The following NCOR2 variants were observed in gnomAD, a reference collection of about 807,000 sequenced individuals.
NCOR2 encodes the protein nuclear receptor corepressor 2.
In NCOR2, 81 loss-of-function variants were observed where a neutral mutation model predicts 262.9. That is an observed-to-expected ratio of 0.31 (90% CI 0.26 to 0.37). The LOEUF (loss-of-function observed/expected upper bound fraction) is 0.37. NCOR2 is among the 10% of genes least tolerant of loss of function. The pLI is 1.00. For missense variants in NCOR2, 3,385 were observed against 3,621.4 expected, an observed-to-expected ratio of 0.93 and a Z score of 1.68; for synonymous variants, 1,659 against 1,559.3, an observed-to-expected ratio of 1.06 and a Z score of -1.51.
chr12:124,457,057 C>A lies in NCOR2; in HGVS notation c.762+49G>T. 8.8e-7 allele frequency: 1 copy of A among 1,134,318 alleles called. No homozygotes were observed. The highest frequency in any genetic ancestry group is 1.2e-6 in the Non-Finnish European group (1 of 809,912). The allele number at this position is 1,134,318 out of a possible 1,614,324, so 70.3% of individuals were successfully genotyped here. A position where few individuals can be genotyped will look rare whatever the true frequency, so the allele number is the denominator to read the frequency against. ...CCTCCCGCCTCCCTGCCCACCTCTCCAGCCACCCCCGCCCTCCCCTGAGCC... is the reference window on the plus strand; with the variant it reads ...CCTCCCGCCTCCCTGCCCACCTCTCAAGCCACCCCCGCCCTCCCCTGAGCC... On this transcript the variant is annotated intron_variant, in intron 6 of 46. Coordinates refer to ENST00000405201, the Ensembl canonical transcript of NCOR2. This position sits in a 1 kb window ranked among gnomAD's most constrained non-coding sequence, Gnocchi z 4.0.
intron 44 of NCOR2, chr12:124,328,561 T>TGG (rs58543684): frequency 4.6e-5 from 7 of 152,092 alleles, no homozygotes; most frequent in African/African-American, 1.7e-4. Flanking sequence ...CACGTGGAGG[T>TGG]GGGGGCCTTT....
Position 124,428,090 on chromosome 12 carries a change from C to CGTGTGTGTGTGTGTGTGTGTGT in NCOR2, c.1150-1291_1150-1290insACACACACACACACACACACAC, listed in dbSNP as rs1412280487. Among the ~76,000 whole-genome samples, 68 of 138,144 alleles carry CGTGTGTGTGTGTGTGTGTGTGT rather than the reference C, an allele frequency of 4.9e-4. 1 individual carries two copies. Among genetic ancestry groups the CGTGTGTGTGTGTGTGTGTGTGT allele is most frequent in the African/African-American group, 1.3e-3 (44 of 33,684 alleles). 90.6% of individuals were successfully genotyped at this position (138,144 alleles called of 152,430 possible). On this transcript the variant is annotated intron_variant, in intron 10 of 46. Coordinates refer to ENST00000405201, the Ensembl canonical transcript of NCOR2. ...GTGTGTGTGTGTGTGTGTGTGTGTA[C>CGTGTGTGTGTGTGTGTGTGTGT]ATGCAACAATCAGCCCAGGTGCCAC...
chr12:124,495,682 C>G (rs142380843), upstream of NCOR2, among the ~76,000 whole-genome samples: 89 of 152,296 alleles, frequency 5.8e-4, no homozygotes, highest in African/African-American at 1.9e-3. The surrounding 1 kb of genome is among the most constrained non-coding windows in gnomAD (Gnocchi z 4.4). Flanking sequence ...TCCCAGCCCC[C>G]CTAAGCCCAT....
Position 124,378,426 on chromosome 12 carries a change from C to A in NCOR2, c.2020-42G>T. ...CAGCAGATCAGGACTGGGGCCTGGG[C>A]TGTCAGCTCGGGGACTCCCCATGCC... On this transcript the variant is annotated intron_variant, in intron 17 of 46. Coordinates refer to ENST00000405201, the Ensembl canonical transcript of NCOR2. This position sits in a 1 kb window ranked among gnomAD's most constrained non-coding sequence, Gnocchi z 4.2. 1 of 1,567,268 alleles carries A rather than the reference C, an allele frequency of 6.4e-7. No individual in the cohort carries two copies. Among genetic ancestry groups the A allele is most frequent in the Admixed American group, 1.8e-5 (1 of 55,826 alleles).
intron 5 of NCOR2, among the ~76,000 whole-genome samples, chr12:124,465,460 C>A (rs1294524978): frequency 6.6e-6 from 1 of 152,220 alleles, no homozygotes; most frequent in African/African-American, 2.4e-5. Flanking sequence ...GGAGACACTG[C>A]TCTGAGCATC....
chr12:124,362,535 A>G (rs1485821121), intron 21 of NCOR2, among the ~76,000 whole-genome samples: 1 of 145,470 alleles, frequency 6.9e-6, no homozygotes, highest in African/African-American at 2.6e-5. Flanking sequence ...CCTCCCCAGA[A>G]AGCCTGCCCC....
intron 1 of NCOR2, among the ~76,000 whole-genome samples, chr12:124,500,646 C>A (rs564120477): frequency 6.6e-6 from 1 of 152,340 alleles, no homozygotes; most frequent in South Asian, 2.1e-4. Context: ...CCTCTTCCCA[C>A]CTGGCCGGGC....
intron 4 of NCOR2, among the ~76,000 whole-genome samples, chr12:124,471,845 G>C (rs1364843280): frequency 6.6e-6 from 1 of 152,224 alleles, no homozygotes; most frequent in Non-Finnish European, 1.5e-5. Context: ...GGGATTACAG[G>C]CATCAGCCAC....
At chr12:124,426,531 C>T (rs2043562090) in intron 11 of NCOR2, 91 bp downstream of exon 13, 3 of 1,294,064 alleles carry the variant, frequency 2.3e-6, no homozygotes, top group Admixed American at 2.6e-5. Context: ...CCCCGGCATG[C>T]TCATTTGTGG....
In NCOR2 at chr12:124,418,657, T is replaced by G. The variant is rs562879576; in HGVS notation, c.1482+1300A>C. Reference sequence around the variant, plus strand: ...ACCTGGAGCTGCTCCGGGCCTGGGCTTGACACAAAGTGGGCTTTAGGCCTC... The same window carrying G: ...ACCTGGAGCTGCTCCGGGCCTGGGCGTGACACAAAGTGGGCTTTAGGCCTC... On this transcript the variant is annotated intron_variant, in intron 13 of 46. Coordinates refer to ENST00000405201, the Ensembl canonical transcript of NCOR2. Among the ~76,000 whole-genome samples, 5 of 152,254 alleles carry G rather than the reference T, an allele frequency of 3.3e-5. No individual in the cohort carries two copies. The East Asian group carries it at 9.7e-4, about 29-fold the overall frequency.
Position 124,340,690 on chromosome 12 carries a change from G to A in NCOR2, c.5250C>T (p.Thr1750=), listed in dbSNP as rs773167113. 18 of 1,530,946 alleles carry A rather than the reference G, an allele frequency of 1.2e-5. No individual in the cohort carries two copies. The East Asian group carries it at 4.1e-4, about 35-fold the overall frequency. 94.8% of individuals were successfully genotyped at this position (1,530,946 alleles called of 1,614,324 possible). Residue 1750 remains threonine (T), a synonymous_variant, in exon 35 of 47, where the codon ACC becomes ACT. Transcript: ENST00000405201. ...CAAGGCGGTCCATGGCGGTGGCTGG[G>A]GTGCCTGGTGTCGGGGGCACGAGCA...
chr12:124,478,723 A>G (rs557962005), intron 3 of NCOR2, among the ~76,000 whole-genome samples: 11 of 152,322 alleles, frequency 7.2e-5, no homozygotes, highest in Admixed American at 4.6e-4. Context: ...AGACAGACAC[A>G]GAGACGAAGA....
intron 9 of NCOR2, among the ~76,000 whole-genome samples, 194 bp from the exon 12 acceptor site, chr12:124,429,900 C>T (rs1217450512): frequency 6.6e-6 from 1 of 152,230 alleles, no homozygotes; most frequent in Non-Finnish European, 1.5e-5. Flanking sequence ...AGGCCAAACC[C>T]TGTGACATGG....
intron 1 of NCOR2, among the ~76,000 whole-genome samples, chr12:124,502,942 G>A (rs1481940876): frequency 2.0e-5 from 3 of 152,222 alleles, no homozygotes; most frequent in Admixed American, 6.5e-5. Flanking sequence ...CTGCAGGAAT[G>A]AGGCCAGACT....
chr12:124,404,612 T>G (rs373719922), intron 13 of NCOR2, among the ~76,000 whole-genome samples: 3 of 152,192 alleles, frequency 2.0e-5, no homozygotes, highest in Admixed American at 6.5e-5. Context: ...CAGGGGCCAG[T>G]TGGGAGAGGG....
At chr12:124,334,197 C>T (rs896102183) in intron 41 of NCOR2, 2 of 471,866 alleles carry the variant, frequency 4.2e-6, no homozygotes, top group South Asian at 3.1e-5. Flanking sequence ...AAAGGGTACA[C>T]GTGAGTGCCT....
Position 124,457,763 on chromosome 12 carries a change from T to C in NCOR2, c.706-601A>G, listed in dbSNP as rs2045958362. 6.6e-6 allele frequency among the ~76,000 whole-genome samples: 1 copy of C among 152,132 alleles called. No individual in the cohort carries two copies. The stretch of plus-strand genomic sequence containing the variant: ...AAAACAGGAACATGTGGCGCAGGGC[T>C]CGGTGGCCGCTCCATCAATAGGCTG... On this transcript the variant is annotated intron_variant, in intron 5 of 46. Coordinates refer to ENST00000405201, the Ensembl canonical transcript of NCOR2. This position sits in a 1 kb window ranked among gnomAD's most constrained non-coding sequence, Gnocchi z 4.0.
At chr12:124,366,334 C>A (rs895821980) in intron 20 of NCOR2, among the ~76,000 whole-genome samples, 1 of 152,168 alleles carries the variant, frequency 6.6e-6, no homozygotes, top group Admixed American at 6.6e-5. Flanking sequence ...ACAAGCTAGT[C>A]GCAGAAGGCC....
intron 12 of NCOR2, among the ~76,000 whole-genome samples, 165 bp downstream of exon 14, chr12:124,422,336 C>T (rs2043254953): frequency 6.6e-6 from 1 of 152,174 alleles, no homozygotes; most frequent in South Asian, 2.1e-4. Context: ...GATCTATCTC[C>T]CAGATGGAAG....
Sources: gnomAD v4.1 joint callset for allele counts (sites outside exome capture counted in the v4.1 genomes callset) on GRCh38, gnomAD v4.1.1 for gene constraint, Gnocchi (gnomAD v3.1) non-coding constraint, MANE v1.5 for transcripts, NCBI Gene and HGNC (gene_info 2026-07-23, HGNC 2026-07-21) for gene names.